The following ZNF704 variants were observed in gnomAD, a reference collection of about 807,000 sequenced individuals.
ZNF704 encodes the protein glucocorticoid induced gene 1.
ZNF704 carries 10 observed loss-of-function variants against 44.7 expected under a neutral mutation model. The ratio of observed to expected loss-of-function variants is 0.22; its 90% CI spans 0.14 to 0.38. The LOEUF (loss-of-function observed/expected upper bound fraction) is 0.38. Among genes scored for constraint, ZNF704 ranks in the 10% least tolerant of loss-of-function variants. The pLI, the probability that ZNF704 is intolerant of heterozygous loss-of-function variation, is 1.00. For synonymous variants in ZNF704, 211 were observed against 207.6 expected, an observed-to-expected ratio of 1.02 and a Z score of -0.14; for missense variants, 390 against 545.5, an observed-to-expected ratio of 0.71 and a Z score of 2.84.
chr8:80,748,389 T>A (rs1272159683), intron 2 of ZNF704, among the ~76,000 whole-genome samples: 3 of 152,146 alleles, frequency 2.0e-5, no homozygotes, highest in Non-Finnish European at 4.4e-5. Flanking sequence ...AGGGAGAAAC[T>A]GACCAACAGT....
chr8:80,847,633 C>G (rs1292495548), intron 1 of ZNF704, among the ~76,000 whole-genome samples: 2 of 152,132 alleles, frequency 1.3e-5, no homozygotes, highest in Non-Finnish European at 2.9e-5. Context: ...ATCAATGAAA[C>G]AGAACAGAGG....
chr8:80,742,451 G>A (rs1417020487), intron 2 of ZNF704, among the ~76,000 whole-genome samples: 1 of 152,206 alleles, frequency 6.6e-6, no homozygotes, highest in African/African-American at 2.4e-5. Context: ...GCACCCATCA[G>A]ATGGCCAAAT....
At chr8:80,788,942 G>A (rs1257410304) in intron 2 of ZNF704, among the ~76,000 whole-genome samples, 1 of 152,054 alleles carries the variant, frequency 6.6e-6, no homozygotes, top group Non-Finnish European at 1.5e-5. Context: ...GATCTCCCAA[G>A]GACCTCTACT....
chr8:80,686,677 G>A (rs1448623781), intron 4 of ZNF704, among the ~76,000 whole-genome samples: 1 of 152,088 alleles, frequency 6.6e-6, no homozygotes, highest in Non-Finnish European at 1.5e-5. Context: ...ACAGGTGTGA[G>A]CCACTGTGCC....
intron 2 of ZNF704, among the ~76,000 whole-genome samples, chr8:80,810,467 G>A (rs1302616773): frequency 1.3e-5 from 2 of 149,642 alleles, no homozygotes; most frequent in Admixed American, 6.6e-5. Context: ...ATGTATTAAT[G>A]AGCTTTTTTT....
intron 2 of ZNF704, among the ~76,000 whole-genome samples, chr8:80,704,739 T>C (rs1818869763): frequency 6.6e-6 from 1 of 151,816 alleles, no homozygotes; most frequent in Non-Finnish European, 1.5e-5. Flanking sequence ...CAGGGGGAGG[T>C]GCCCCCAGGA....
At chr8:80,649,511 G>A (rs1353789910) in intron 7 of ZNF704, among the ~76,000 whole-genome samples, 1 of 152,246 alleles carries the variant, frequency 6.6e-6, no homozygotes, top group Admixed American at 6.5e-5. Context: ...CACACCAGGA[G>A]ATTATATCCT....
intron 2 of ZNF704, chr8:80,814,060 G>A (rs1464509954): frequency 6.6e-6 from 1 of 152,118 alleles, no homozygotes; most frequent in Non-Finnish European, 1.5e-5. Context: ...TCATCTACAG[G>A]CACTTGGCAG....
chr8:80,823,718 G>A (rs189936367), intron 1 of ZNF704, among the ~76,000 whole-genome samples: 71 of 152,230 alleles, frequency 4.7e-4, no homozygotes, highest in African/African-American at 1.2e-3. Context: ...CCTCTGAGAC[G>A]AAGCTTCCAG....
chr8:80,742,516 G>A (rs1395574517), intron 2 of ZNF704, among the ~76,000 whole-genome samples: 2 of 152,192 alleles, frequency 1.3e-5, no homozygotes, highest in East Asian at 1.9e-4. Context: ...GTCAAGGCCT[G>A]TGACGTGTGC....
chr8:80,721,663 A>G (rs1392778957), intron 2 of ZNF704, among the ~76,000 whole-genome samples: 2 of 152,324 alleles, frequency 1.3e-5, no homozygotes, highest in East Asian at 3.9e-4. Context: ...TTTATTATGC[A>G]TTTGTAACCA....
intron 2 of ZNF704, among the ~76,000 whole-genome samples, chr8:80,743,690 C>G (rs569823383): frequency 6.6e-6 from 1 of 152,312 alleles, no homozygotes; most frequent in African/African-American, 2.4e-5. Context: ...GTGGGCCCAG[C>G]AAACCTAGAT....
At chr8:80,654,571 C>T (rs1440354196) in intron 7 of ZNF704, among the ~76,000 whole-genome samples, 1 of 152,140 alleles carries the variant, frequency 6.6e-6, no homozygotes, top group African/African-American at 2.4e-5. Context: ...ATTTATGCGG[C>T]CAAAAGACAC....
chr8:80,706,257 G>A (rs750798367), intron 2 of ZNF704, among the ~76,000 whole-genome samples: 43 of 152,046 alleles, frequency 2.8e-4, no homozygotes, highest in Non-Finnish European at 5.3e-4. Context: ...TTTTCATGGT[G>A]ATAGCAGTTA....
chr8:80,781,979 T>C (rs935274323), intron 2 of ZNF704, among the ~76,000 whole-genome samples: 5 of 152,206 alleles, frequency 3.3e-5, no homozygotes, highest in Non-Finnish European at 7.3e-5. Context: ...ATCAGTTAAA[T>C]GTAATTAGCA....
chr8:80,662,840 G>GA (rs1554570426), intron 6 of ZNF704, among the ~76,000 whole-genome samples: 1 of 151,980 alleles, frequency 6.6e-6, no homozygotes. Flanking sequence ...TATTAATGAC[G>GA]AAAAAACAGG....
Position 80,632,836 on chromosome 8 carries a change from G to A in ZNF704, c.*8530C>T, listed in dbSNP as rs1817609083. The A allele has an allele frequency of 6.6e-6, 1 of 152,168 alleles. No individual in the cohort carries two copies. The highest frequency in any genetic ancestry group is 1.5e-5 in the Non-Finnish European group (1 of 68,034). The allele number at this position is 152,168 out of a possible 1,614,324, so 9.4% of individuals were successfully genotyped here. The stretch of plus-strand genomic sequence containing the variant: ...CTATGATTCTTTTCCATCAGAAGAG[G>A]AAAGGACTAAACTGTTTCATTCTCC... On this transcript the variant is annotated 3_prime_UTR_variant, in exon 9 of 9. Coordinates refer to ENST00000327835, the MANE Select transcript of ZNF704 (RefSeq NM_001033723.3).
chr8:80,707,246 C>T, intron 2 of ZNF704, among the ~76,000 whole-genome samples: 1 of 152,172 alleles, frequency 6.6e-6, no homozygotes, highest in East Asian at 1.9e-4. Context: ...TTAAGACAAA[C>T]ATGTAATTTC....
intron 1 of ZNF704, among the ~76,000 whole-genome samples, chr8:80,860,946 G>C (rs1195911463): frequency 6.6e-6 from 1 of 152,166 alleles, no homozygotes; most frequent in Non-Finnish European, 1.5e-5. Context: ...ACAGAAATGA[G>C]AGATGGGTGG....
Sources: gnomAD v4.1 joint callset for allele counts (sites outside exome capture counted in the v4.1 genomes callset) on GRCh38, gnomAD v4.1.1 for gene constraint, MANE v1.5 for transcripts, NCBI Gene and HGNC (gene_info 2026-07-23, HGNC 2026-07-21) for gene names.